The following SUPT3H variants were observed in gnomAD, a reference collection of about 807,000 sequenced individuals.
The protein encoded by SUPT3H is transcription initiation protein SPT3 homolog.
SUPT3H carries 44 observed loss-of-function variants against 44.3 expected under a neutral mutation model. That is an observed-to-expected ratio of 0.99 (90% CI 0.78 to 1.28). SUPT3H has a LOEUF of 1.28. Among genes scored for constraint, SUPT3H ranks in the 50% most tolerant of loss-of-function variants. The pLI, the probability that SUPT3H is intolerant of heterozygous loss-of-function variation, is 0.00. For missense variants in SUPT3H, 380 were observed against 387.1 expected, an observed-to-expected ratio of 0.98 and a Z score of 0.15; for synonymous variants, 124 against 125.6, an observed-to-expected ratio of 0.99 and a Z score of 0.09.
chr6:45,203,035 A>G (rs1324763986), intron 2 of SUPT3H, among the ~76,000 whole-genome samples: 1 of 152,164 alleles, frequency 6.6e-6, no homozygotes, highest in African/African-American at 2.4e-5. Flanking sequence ...ATAATCAAGG[A>G]TGAGAATATT....
At chr6:44,927,056 A>T (rs1195719330) in intron 10 of SUPT3H, among the ~76,000 whole-genome samples, 1 of 152,200 alleles carries the variant, frequency 6.6e-6, no homozygotes, top group Non-Finnish European at 1.5e-5. Flanking sequence ...ATATTTACAT[A>T]CAAGAATATC....
intron 3 of SUPT3H, among the ~76,000 whole-genome samples, chr6:45,081,036 TATATATGTACATATATAC>T (rs950196750): frequency 2.0e-5 from 3 of 151,162 alleles, no homozygotes; most frequent in African/African-American, 7.3e-5. Context: ...ATATCCCATA[TATATATGTACATATATAC>T]GTATATATGT....
Position 45,248,073 on chromosome 6 carries a change from T to C in SUPT3H, c.101+117128A>G, listed in dbSNP as rs75984377. Among the ~76,000 whole-genome samples the C allele has an allele frequency of 2.8e-3, 426 of 152,144 alleles. 17 individuals carry two copies. In the East Asian group the frequency reaches 0.073, roughly 26 times the overall value. On this transcript the variant is annotated intron_variant, in intron 2 of 10. Coordinates refer to ENST00000371459, the MANE Select transcript of SUPT3H (RefSeq NM_003599.4). Reference sequence around the variant, plus strand: ...TACTTTACAACTTATACAAATGTAATTCAAAATGAATCACAGACTTAAATA... The same window carrying C: ...TACTTTACAACTTATACAAATGTAACTCAAAATGAATCACAGACTTAAATA...
At chr6:45,283,289 C>T (rs149245542) in intron 2 of SUPT3H, among the ~76,000 whole-genome samples, 177 of 152,108 alleles carry the variant, frequency 1.2e-3, no homozygotes, top group African/African-American at 4.0e-3. Flanking sequence ...ACACACACTG[C>T]CAAACTGGAT....
At chr6:45,005,008 T>C (rs1475830227) in intron 5 of SUPT3H, among the ~76,000 whole-genome samples, 1 of 152,186 alleles carries the variant, frequency 6.6e-6, no homozygotes, top group African/African-American at 2.4e-5. Flanking sequence ...CCCATCCATA[T>C]GGCATTCTGT....
rs181483266 is a variant in SUPT3H, at chr6:45,366,374, T to C, written c.1-1073A>G. On this transcript the variant is annotated intron_variant, in intron 1 of 10. Coordinates refer to ENST00000371459, the MANE Select transcript of SUPT3H (RefSeq NM_003599.4). ...GTGCTTCAGTTTCCTCATCTGTAAATGGCAACGATAATCTCACCTTCTTAG... is the reference window on the plus strand; with the variant it reads ...GTGCTTCAGTTTCCTCATCTGTAAACGGCAACGATAATCTCACCTTCTTAG... Among the ~76,000 whole-genome samples, 7 of 151,918 alleles carry C rather than the reference T, an allele frequency of 4.6e-5. No homozygotes were observed. The East Asian group carries it at 1.4e-3, about 29-fold the overall frequency.
At position 45,174,995 on chromosome 6, in the gene SUPT3H, T is replaced by C. The variant is rs1259029366; in HGVS notation, c.102-68989A>G. 5.3e-5 allele frequency among the ~76,000 whole-genome samples: 5 copies of C among 94,684 alleles called. No individual in the cohort carries two copies. In the East Asian group the frequency reaches 1.5e-3, roughly 28 times the overall value. The allele number at this position is 94,684 out of a possible 152,430, so 62.1% of individuals were successfully genotyped here. On this transcript the variant is annotated intron_variant, in intron 2 of 10. Coordinates refer to ENST00000371459, the MANE Select transcript of SUPT3H (RefSeq NM_003599.4). ...GAGTTAAAATCCAGCCTGGGCAACA[T>C]AGTGAGCCCTCGTCACTAAAAAAAA...
chr6:45,324,455 T>C (rs1227783660), intron 2 of SUPT3H, among the ~76,000 whole-genome samples: 1 of 151,924 alleles, frequency 6.6e-6, no homozygotes, highest in Non-Finnish European at 1.5e-5. Flanking sequence ...CGAGTATTCA[T>C]TAGTGAGGAT....
At chr6:45,214,248 G>C (rs546367794) in intron 2 of SUPT3H, among the ~76,000 whole-genome samples, 21 of 151,794 alleles carry the variant, frequency 1.4e-4, no homozygotes, top group Non-Finnish European at 2.8e-4. Context: ...TCCATGCTGA[G>C]AAAAGTGAAA....
chr6:45,377,747 GC>G lies in SUPT3H; in HGVS notation c.-1+20del, dbSNP rs1478717322. ...TCTCCCCCGCCCGAATCCCCGCACC[GC>G]CCCCCGCAAGCCCTACAACCTCTGC... On this transcript the variant is annotated intron_variant, in intron 1 of 10. Coordinates refer to ENST00000371459, the MANE Select transcript of SUPT3H (RefSeq NM_003599.4). 5 of 152,302 alleles carry G rather than the reference GC, an allele frequency of 3.3e-5. No homozygotes were observed. The highest frequency in any genetic ancestry group is 3.4e-3 in the Middle Eastern group (1 of 294). 9.4% of individuals were successfully genotyped at this position (152,302 alleles called of 1,614,324 possible). A position where few individuals can be genotyped will look rare whatever the true frequency, so the allele number is the denominator to read the frequency against.
intron 9 of SUPT3H, among the ~76,000 whole-genome samples, chr6:44,940,051 G>A (rs1772147622): frequency 6.6e-6 from 1 of 151,076 alleles, no homozygotes; most frequent in South Asian, 2.1e-4. Context: ...TTTTTATTTA[G>A]TGCTGCTCAG....
At chr6:44,811,426 G>A (rs1052643188) in intron 11 of SUPT3H, among the ~76,000 whole-genome samples, 1 of 152,208 alleles carries the variant, frequency 6.6e-6, no homozygotes, top group Non-Finnish European at 1.5e-5. Flanking sequence ...AAAGATGTAT[G>A]TATGGGTACC....
chr6:44,887,072 A>C (rs1020147765), intron 10 of SUPT3H, among the ~76,000 whole-genome samples: 10 of 152,268 alleles, frequency 6.6e-5, no homozygotes, highest in African/African-American at 1.7e-4. Context: ...AGCTAACTAT[A>C]CTAAATATAT....
chr6:45,310,461 AG>A (rs1450997127), intron 2 of SUPT3H, among the ~76,000 whole-genome samples: 1 of 152,162 alleles, frequency 6.6e-6, no homozygotes, highest in Non-Finnish European at 1.5e-5. Context: ...ACCTCCTGGC[AG>A]GAAGTCAACC....
At chr6:45,002,400 C>A (rs1295101124) in intron 6 of SUPT3H, among the ~76,000 whole-genome samples, 1 of 151,868 alleles carries the variant, frequency 6.6e-6, no homozygotes, top group African/African-American at 2.4e-5. Context: ...GTTACCTGTT[C>A]AATTTTACTA....
At chr6:44,879,523 C>T (rs1026711642) in intron 10 of SUPT3H, among the ~76,000 whole-genome samples, 1 of 152,212 alleles carries the variant, frequency 6.6e-6, no homozygotes, top group Non-Finnish European at 1.5e-5. Flanking sequence ...AATATTCCTG[C>T]CTGCTGGTTC....
intron 4 of SUPT3H, among the ~76,000 whole-genome samples, chr6:45,017,915 G>C (rs1226606613): frequency 6.8e-6 from 1 of 147,840 alleles, no homozygotes; most frequent in East Asian, 2.0e-4. Flanking sequence ...GGATGGCATT[G>C]AATCTGTAAA....
rs1776472233 is a variant in SUPT3H, at chr6:45,273,136, T to C, written c.101+92065A>G. On this transcript the variant is annotated intron_variant, in intron 2 of 10. Coordinates refer to ENST00000371459, the MANE Select transcript of SUPT3H (RefSeq NM_003599.4). ...GGGTGGAAAGTTTGCTCAACTTTAA[T>C]TTTTCAGTCAGAATTGTATAAGGTG... is the stretch of plus-strand genomic sequence containing the variant. Among the ~76,000 whole-genome samples, 3 of 152,230 alleles carry C rather than the reference T, an allele frequency of 2.0e-5. No individual in the cohort carries two copies. The South Asian group carries it at 6.2e-4, about 32-fold the overall frequency.
intron 3 of SUPT3H, among the ~76,000 whole-genome samples, chr6:45,029,925 T>C (rs952128628): frequency 2.0e-5 from 3 of 152,120 alleles, no homozygotes; most frequent in African/African-American, 7.2e-5. Context: ...CCATCATGCC[T>C]AGCTAATTTT....
Sources: allele counts gnomAD v4.1 joint callset (sites outside exome capture counted in the v4.1 genomes callset), GRCh38; gene constraint gnomAD v4.1.1; transcripts MANE v1.5; gene names NCBI Gene and HGNC (gene_info 2026-07-23, HGNC 2026-07-21).